Variants in ANKS1B observed in about 807,000 individuals in gnomAD.
ANKS1B encodes the protein ankyrin repeat and sterile alpha motif domain-containing protein 1B.
In ANKS1B, 36 loss-of-function variants were observed where a neutral mutation model predicts 148.3. That is an observed-to-expected ratio of 0.24 (90% CI 0.19 to 0.32). ANKS1B has a LOEUF of 0.32. Among genes scored for constraint, ANKS1B ranks in the 10% least tolerant of loss-of-function variants. The pLI is 1.00. For missense variants in ANKS1B, 1,157 were observed against 1,542.6 expected (o/e 0.75, Z 4.19); for synonymous variants, 542 against 560.8 (o/e 0.97, Z 0.47).
At chr12:99,834,235 A>G (rs2084467424) in intron 1 of ANKS1B, among the ~76,000 whole-genome samples, 1 of 152,200 alleles carries the variant, frequency 6.6e-6, no homozygotes, top group South Asian at 2.1e-4. Flanking sequence ...GTTTCATAAA[A>G]TGCAAGAGTT....
chr12:99,035,413 C>T (rs1467526032), intron 17 of ANKS1B, among the ~76,000 whole-genome samples: 2 of 152,136 alleles, frequency 1.3e-5, no homozygotes, highest in African/African-American at 4.8e-5. Flanking sequence ...ACAGGCCTTC[C>T]TGGCTTTCTT....
intron 8 of ANKS1B, among the ~76,000 whole-genome samples, chr12:99,681,538 C>T (rs768608513): frequency 7.2e-5 from 11 of 152,148 alleles, no homozygotes; most frequent in Admixed American, 1.3e-4. Context: ...TCCCCAGTAC[C>T]AGCCCAGAGC....
intron 1 of ANKS1B, among the ~76,000 whole-genome samples, chr12:99,946,159 G>A (rs1455762091): frequency 6.6e-6 from 1 of 152,120 alleles, no homozygotes; most frequent in Admixed American, 6.5e-5. Context: ...ACCAGAAAGA[G>A]TAGACATTCT....
intron 12 of ANKS1B, among the ~76,000 whole-genome samples, chr12:99,357,768 G>A (rs752588401): frequency 5.9e-5 from 9 of 152,020 alleles, no homozygotes; most frequent in Non-Finnish European, 1.0e-4. Context: ...AGTTGAAAGA[G>A]TATAAACATT....
At chr12:99,784,008 G>A (rs2064686277) in intron 4 of ANKS1B, among the ~76,000 whole-genome samples, 1 of 151,822 alleles carries the variant, frequency 6.6e-6, no homozygotes, top group African/African-American at 2.4e-5. Context: ...ATTATGACAT[G>A]CAATTAAAAA....
chr12:99,502,397 C>T (rs527619418), intron 10 of ANKS1B, among the ~76,000 whole-genome samples: 1 of 152,260 alleles, frequency 6.6e-6, no homozygotes, highest in East Asian at 1.9e-4. Flanking sequence ...AACTCTGATG[C>T]TCATCTGAAG....
At chr12:99,110,501 G>A (rs1192167130) in intron 15 of ANKS1B, among the ~76,000 whole-genome samples, 1 of 152,118 alleles carries the variant, frequency 6.6e-6, no homozygotes, top group Non-Finnish European at 1.5e-5. Flanking sequence ...ATATTTTGAA[G>A]AGTTCTAAAA....
At chr12:99,494,298 C>A (rs1005329220) in intron 10 of ANKS1B, among the ~76,000 whole-genome samples, 1 of 152,180 alleles carries the variant, frequency 6.6e-6, no homozygotes, top group African/African-American at 2.4e-5. Context: ...GGAAAATGAA[C>A]ATATTGAGAG....
intron 9 of ANKS1B, among the ~76,000 whole-genome samples, chr12:99,599,515 T>C (rs766752849): frequency 7.6e-4 from 115 of 152,090 alleles, no homozygotes; most frequent in Non-Finnish European, 1.2e-3. Flanking sequence ...AAAAAATCAC[T>C]ACAGAGTTAA....
intron 17 of ANKS1B, among the ~76,000 whole-genome samples, chr12:98,897,828 T>G (rs2099766907): frequency 6.6e-6 from 1 of 152,160 alleles, no homozygotes; most frequent in South Asian, 2.1e-4. Context: ...TGTCTATCAG[T>G]GAATGCTTGG....
chr12:99,732,147 TGATGA>T (rs2059223746), intron 8 of ANKS1B, among the ~76,000 whole-genome samples: 2 of 152,182 alleles, frequency 1.3e-5, no homozygotes, highest in Admixed American at 1.3e-4. Flanking sequence ...CTTAAAAGAC[TGATGA>T]TATATATAGC....
chr12:99,063,316 C>T (rs1001134141), intron 16 of ANKS1B, among the ~76,000 whole-genome samples: 1 of 152,182 alleles, frequency 6.6e-6, no homozygotes. Context: ...CCTGCTGCTA[C>T]CCAAGTCTTG....
intron 15 of ANKS1B, among the ~76,000 whole-genome samples, chr12:99,108,916 T>A (rs575566033): frequency 2.1e-4 from 32 of 151,648 alleles, no homozygotes; most frequent in African/African-American, 7.0e-4. Context: ...GAAAGGGAGG[T>A]GAGATACATG....
At position 99,782,389 on chromosome 12, in the gene ANKS1B, G is replaced by A. The variant is rs369079730; in HGVS notation, c.670-292C>T. On this transcript the variant is annotated intron_variant, in intron 4 of 26. Coordinates refer to ENST00000683438, the MANE Select transcript of ANKS1B (RefSeq NM_001352186.2). ...AGCCTGGCCAACATGGCAAAACCCC[G>A]TCTCTACTAAAATACAAAAATTAGC... 1.1e-4 allele frequency among the ~76,000 whole-genome samples: 17 copies of A among 152,096 alleles called. No homozygotes were observed. In the East Asian group the frequency reaches 1.7e-3, roughly 16 times the overall value.
intron 15 of ANKS1B, among the ~76,000 whole-genome samples, chr12:99,110,015 CTTG>C (rs2059985017): frequency 4.6e-5 from 7 of 152,134 alleles, no homozygotes; most frequent in African/African-American, 1.7e-4. Context: ...AGTGACAGAA[CTTG>C]AAATTAGATG....
intron 24 of ANKS1B, among the ~76,000 whole-genome samples, chr12:98,780,753 T>C (rs1023408968): frequency 3.3e-5 from 5 of 152,240 alleles, no homozygotes; most frequent in Non-Finnish European, 7.3e-5. Context: ...ATGACATTGT[T>C]GACTTTTCAA....
At chr12:99,297,452 G>A (rs754781061) in intron 12 of ANKS1B, among the ~76,000 whole-genome samples, 1 of 152,186 alleles carries the variant, frequency 6.6e-6, no homozygotes, top group Non-Finnish European at 1.5e-5. Context: ...TTCTCTCACT[G>A]AGAACCTTCA....
chr12:99,015,479 T>C (rs2099941898), intron 17 of ANKS1B, among the ~76,000 whole-genome samples: 1 of 152,168 alleles, frequency 6.6e-6, no homozygotes, highest in African/African-American at 2.4e-5. Context: ...GGTTTACCTA[T>C]GTAACAAACT....
At chr12:99,822,743 T>C (rs747801040) in intron 2 of ANKS1B, among the ~76,000 whole-genome samples, 4 of 152,228 alleles carry the variant, frequency 2.6e-5, no homozygotes, top group Non-Finnish European at 4.4e-5. Context: ...AGTGCTGCAA[T>C]GAGCATGCAG....
Sources: gnomAD v4.1 joint callset for allele counts (sites outside exome capture counted in the v4.1 genomes callset) on GRCh38, gnomAD v4.1.1 for gene constraint, MANE v1.5 for transcripts, NCBI Gene and HGNC (gene_info 2026-07-23, HGNC 2026-07-21) for gene names.